NCKAP5L: variants seen among roughly 807,000 people sequenced by gnomAD.
NCKAP5L encodes NCK associated protein 5 like.
Under a neutral mutation model 103.2 loss-of-function variants are expected in NCKAP5L, and 54 were observed. The ratio of observed to expected loss-of-function variants is 0.52; its 90% CI spans 0.42 to 0.66. The LOEUF (loss-of-function observed/expected upper bound fraction) is 0.66. NCKAP5L is among the 30% of genes least tolerant of loss of function. The probability of loss-of-function intolerance (pLI) is 0.00; values close to 1 mark genes in which losing one functional copy is unlikely to be tolerated. For synonymous variants in NCKAP5L, 762 were observed against 748.6 expected (o/e 1.02, Z -0.29); for missense variants, 1,733 against 1,750.6 (o/e 0.99, Z 0.18).
intron 1 of NCKAP5L, among the ~76,000 whole-genome samples, chr12:49,817,202 AT>A (rs992323471): frequency 2.6e-5 from 4 of 152,194 alleles, no homozygotes; most frequent in South Asian, 2.1e-4. Flanking sequence ...AAGAATTAAT[AT>A]TTTTTAAATG....
chr12:49,817,965 C>T (rs142203208), intron 1 of NCKAP5L, among the ~76,000 whole-genome samples: 2,591 of 152,118 alleles, frequency 0.017, 32 homozygotes, highest in South Asian at 0.042. Context: ...CTCATCTCTA[C>T]TAAAAATACA....
chr12:49,812,929 C>G (rs1445301758), intron 1 of NCKAP5L, among the ~76,000 whole-genome samples: 2 of 152,220 alleles, frequency 1.3e-5, no homozygotes, highest in African/African-American at 4.8e-5. Context: ...AACCTAAACA[C>G]TTCCTCTGGT....
Position 49,797,521 on chromosome 12 carries a change from C to T in NCKAP5L, c.466-127G>A, listed in dbSNP as rs1946071904. On this transcript the variant is annotated intron_variant, in intron 7 of 12. Transcript: ENST00000335999. This position sits in a 1 kb window ranked among gnomAD's most constrained non-coding sequence, Gnocchi z 4.5. ...AGCTGGCCTGGTTGTGTCTGTGTCCCCAAAAGGAATTAACAGCAACTGGGA... is the reference window on the plus strand; with the variant it reads ...AGCTGGCCTGGTTGTGTCTGTGTCCTCAAAAGGAATTAACAGCAACTGGGA... 3 of 702,066 alleles carry T rather than the reference C, an allele frequency of 4.3e-6. No individual in the cohort carries two copies. The highest frequency in any genetic ancestry group is 1.8e-5 in the African/African-American group (1 of 55,526). 43.5% of individuals were successfully genotyped at this position (702,066 alleles called of 1,614,324 possible).
chr12:49,811,124 C>T (rs1003666427), intron 1 of NCKAP5L, among the ~76,000 whole-genome samples: 38 of 152,188 alleles, frequency 2.5e-4, no homozygotes, highest in African/African-American at 9.2e-4. Flanking sequence ...CCTGGGATTC[C>T]TCAACTTGCG....
intron 1 of NCKAP5L, among the ~76,000 whole-genome samples, chr12:49,814,120 A>G (rs1946270784): frequency 6.6e-6 from 1 of 151,018 alleles, no homozygotes; most frequent in Non-Finnish European, 1.5e-5. Context: ...AGTTTTCAGA[A>G]TTCTTTACAT....
chr12:49,810,344 C>G (rs1267520107), intron 1 of NCKAP5L, among the ~76,000 whole-genome samples: 1 of 152,206 alleles, frequency 6.6e-6, no homozygotes, highest in Admixed American at 6.5e-5. Flanking sequence ...CAGCCTTAGA[C>G]CGGAAGGCAG....
intron 3 of NCKAP5L, 99 bp from the exon 4 acceptor site, chr12:49,803,264 G>A: frequency 8.5e-7 from 1 of 1,170,278 alleles, no homozygotes; most frequent in Non-Finnish European, 1.2e-6. Flanking sequence ...AACTACAGGG[G>A]TGCTAACTAT....
intron 5 of NCKAP5L, chr12:49,802,602 C>A: frequency 1.0e-5 from 3 of 291,232 alleles, no homozygotes; most frequent in South Asian, 6.0e-5. Flanking sequence ...CAGAGCAAGG[C>A]CTTGGAGTTA....
In NCKAP5L at chr12:49,796,094, A is replaced by G; in HGVS notation, c.1766T>C (p.Leu589Pro). The change falls in exon 8 of 13, where the codon CTG becomes CCG. Residue 589 changes from leucine to proline, a missense_variant. By Grantham distance (98) the Leu-to-Pro change is moderately conservative. Coordinates refer to ENST00000335999, the MANE Select transcript of NCKAP5L (RefSeq NM_001037806.4). ...LQVPTYPQLT[L>P]EVPQAPEVLR... ...GACCTCAGGGGCCTGTGGTACCTCC[A>G]GAGTTAGCTGTGGGTAGGTGGGCAC... The G allele has an allele frequency of 6.2e-7, 1 of 1,606,318 alleles. No homozygotes were observed.
At chr12:49,823,880 T>C (rs763143769) in intron 1 of NCKAP5L, among the ~76,000 whole-genome samples, 4 of 152,062 alleles carry the variant, frequency 2.6e-5, no homozygotes, top group Non-Finnish European at 4.4e-5. Context: ...ACCCCAGTGG[T>C]GATGCATGAT....
chr12:49,819,225 T>G (rs1188839639), intron 1 of NCKAP5L, among the ~76,000 whole-genome samples: 1 of 150,992 alleles, frequency 6.6e-6, no homozygotes, highest in Admixed American at 6.6e-5. Flanking sequence ...GGCGGGAGAA[T>G]AGCTTGAACC....
rs777712359 is a variant in NCKAP5L at position 49,795,243 on chromosome 12, C to T, written c.2617G>A (p.Gly873Ser). The T allele has an allele frequency of 7.2e-5, 111 of 1,551,056 alleles. No individual in the cohort carries two copies. The highest frequency in any genetic ancestry group is 3.5e-4 in the Middle Eastern group (2 of 5,732). The change falls in exon 8 of 13, where the codon GGC becomes AGC. Residue 873 changes from glycine to serine, a missense_variant. By Grantham distance (56) the Gly-to-Ser change is moderately conservative. Coordinates refer to ENST00000335999, the MANE Select transcript of NCKAP5L (RefSeq NM_001037806.4). ...GAGTGTGGGGCCAGCCCCTCAGGGC[C>T]CTGACTTGGGTCAGTGGGGCCAGGT... ...LVPGPTDPSQ[G>S]PEGLAPHSAI...
Position 49,795,318 on chromosome 12 carries a change from G to A in NCKAP5L, c.2542C>T (p.Pro848Ser). 5.2e-6 allele frequency: 8 copies of A among 1,529,874 alleles called. No individual in the cohort carries two copies. The highest frequency in any genetic ancestry group is 7.0e-6 in the Non-Finnish European group (8 of 1,142,114). 94.8% of individuals were successfully genotyped at this position (1,529,874 alleles called of 1,614,324 possible). A position where few individuals can be genotyped will look rare whatever the true frequency, so the allele number is the denominator to read the frequency against. Residue 848 changes from proline to serine, a missense_variant, in exon 8 of 13, where the codon CCT (proline) becomes TCT (serine). Transcript: ENST00000335999. ...GTACTACCACAGTCTGCCCAGGGAG[G>A]GCCCTTCCCTTTGTCAGGCTTGGGG... ...ESPKPDKGKG[P>S]PWADCGSTTA...
chr12:49,816,253 C>T (rs1446028074), intron 1 of NCKAP5L, among the ~76,000 whole-genome samples: 1 of 152,112 alleles, frequency 6.6e-6, no homozygotes, highest in African/African-American at 2.4e-5. Context: ...CTCCTACCAA[C>T]CAGACCAGGC....
intron 1 of NCKAP5L, among the ~76,000 whole-genome samples, chr12:49,808,786 C>A (rs1354566612): frequency 1.3e-5 from 2 of 152,224 alleles, no homozygotes; most frequent in Non-Finnish European, 2.9e-5. Context: ...AGGGAAAACC[C>A]CAGGCTTCGG....
At position 49,794,870 on chromosome 12, in the gene NCKAP5L, G is replaced by T; in HGVS notation, c.2990C>A (p.Pro997His). Residue 997 changes from proline to histidine, a missense_variant, in exon 8 of 13, where the codon CCT becomes CAT. Coordinates refer to ENST00000335999, the MANE Select transcript of NCKAP5L (RefSeq NM_001037806.4). Reference sequence around the variant, plus strand: ...GTTGGGCCCTGGGGCTGGGCCACCAGGCCGTGGCCGGGCCCGGCTGCTTAG... The same window carrying T: ...GTTGGGCCCTGGGGCTGGGCCACCATGCCGTGGCCGGGCCCGGCTGCTTAG... ...AYLSSRARPR[P>H]GGPAPGPNTG... The T allele has an allele frequency of 6.7e-7, 1 of 1,500,766 alleles. No homozygotes were observed. Among genetic ancestry groups the T allele is most frequent in the Non-Finnish European group, 8.9e-7 (1 of 1,125,270 alleles). The allele number at this position is 1,500,766 out of a possible 1,614,324, so 93.0% of individuals were successfully genotyped here.
At chr12:49,818,205 G>A (rs1347607267) in intron 1 of NCKAP5L, among the ~76,000 whole-genome samples, 1 of 151,910 alleles carries the variant, frequency 6.6e-6, no homozygotes. Context: ...ATAAAATACA[G>A]GGTAAAAACT....
rs534193988 is a variant in NCKAP5L, at chr12:49,795,433, C to G, written c.2427G>C (p.Lys809Asn). The change falls in exon 8 of 13, where the codon AAG becomes AAC. Residue 809 changes from lysine (K) to asparagine (N), a missense_variant. By Grantham distance (94) the Lys-to-Asn change is moderately conservative. Coordinates refer to ENST00000335999, the MANE Select transcript of NCKAP5L (RefSeq NM_001037806.4). Reference sequence around the variant, plus strand: ...GCTTGGTGGGGCTGCTGTGAGGGCTCTTATTGGGCTTGCCCAGGCTTGGGG... The same window carrying G: ...GCTTGGTGGGGCTGCTGTGAGGGCTGTTATTGGGCTTGCCCAGGCTTGGGG... ...TSAPSLGKPN[K>N]SPHSSPTKLP... The G allele has an allele frequency of 1.9e-6, 3 of 1,581,644 alleles. No homozygotes were observed. Among genetic ancestry groups the G allele is most frequent in the South Asian group, 1.2e-5 (1 of 85,654 alleles).
At chr12:49,814,251 G>A (rs552946514) in intron 1 of NCKAP5L, among the ~76,000 whole-genome samples, 5 of 150,146 alleles carry the variant, frequency 3.3e-5, no homozygotes, top group African/African-American at 9.7e-5. Context: ...TTGGGAGGCC[G>A]AAGTGGGCGG....
Sources: gnomAD v4.1 joint callset for allele counts (sites outside exome capture counted in the v4.1 genomes callset) on GRCh38, gnomAD v4.1.1 for gene constraint, Gnocchi (gnomAD v3.1) non-coding constraint, MANE v1.5 for transcripts, NCBI Gene and HGNC (gene_info 2026-07-23, HGNC 2026-07-21) for gene names.